Variants in CNGA1 observed in about 807,000 individuals in gnomAD.
The protein encoded by CNGA1 is cyclic nucleotide gated channel subunit alpha 1.
A neutral mutation model predicts 69.7 loss-of-function variants in CNGA1; 53 were observed. The ratio of observed to expected loss-of-function variants is 0.76; its 90% CI spans 0.61 to 0.96. The LOEUF (loss-of-function observed/expected upper bound fraction) is 0.96. Among genes scored for constraint, CNGA1 ranks in the 40% least tolerant of loss-of-function variants. CNGA1 has a pLI of 0.00. For missense variants in CNGA1, 739 were observed against 811.2 expected, an observed-to-expected ratio of 0.91 and a Z score of 1.08; for synonymous variants, 249 against 283.5, an observed-to-expected ratio of 0.88 and a Z score of 1.22.
intron 5 of CNGA1, among the ~76,000 whole-genome samples, chr4:47,950,402 A>C (rs73244450): frequency 0.056 from 8,512 of 152,292 alleles, 453 homozygotes; most frequent in East Asian, 0.31. Flanking sequence ...AGCCATGTGG[A>C]ACTGTGAGTC....
chr4:48,001,703 A>G (rs1235520921), intron 2 of CNGA1, among the ~76,000 whole-genome samples: 2 of 152,246 alleles, frequency 1.3e-5, no homozygotes, highest in Non-Finnish European at 2.9e-5. Flanking sequence ...TGACATTTCT[A>G]AAACACTACA....
At chr4:47,984,645 AAAAT>A (rs1741898370) in intron 2 of CNGA1, among the ~76,000 whole-genome samples, 1 of 57,512 alleles carries the variant, frequency 1.7e-5, no homozygotes, top group Non-Finnish European at 5.0e-5. Context: ...ACAAATAAAA[AAAAT>A]ATATATATAT....
At chr4:48,015,249 G>A (rs1577617650) in intron 1 of CNGA1, among the ~76,000 whole-genome samples, 2 of 152,284 alleles carry the variant, frequency 1.3e-5, no homozygotes, top group South Asian at 2.1e-4. Context: ...GGCTTGTTAT[G>A]GAAAATTGGC....
chr4:47,987,596 A>G (rs868676266), intron 2 of CNGA1, among the ~76,000 whole-genome samples: 4 of 152,180 alleles, frequency 2.6e-5, no homozygotes, highest in Admixed American at 6.5e-5. Flanking sequence ...TTGCAGAGTC[A>G]ATAGGTAACA....
rs752531208 is a variant in CNGA1, at chr4:47,942,140, T to C, written c.446A>G (p.Lys149Arg). The C allele has an allele frequency of 6.2e-7, 1 of 1,607,402 alleles. No individual in the cohort carries two copies. The highest frequency in any genetic ancestry group is 8.5e-7 in the Non-Finnish European group (1 of 1,173,908). ...CGAGGGATCAATAACCACAACTTCT[T>C]TCTTCTCCCTAGCGGCAATTAGAAA... ...KSKDKKEEEK[K>R]EVVVIDPSGN... Residue 149 changes from lysine (K) to arginine (R), a missense_variant, in exon 9 of 11, where the codon AAA becomes AGA. Coordinates refer to ENST00000514170, the MANE Select transcript of CNGA1 (RefSeq NM_001379270.1).
chr4:47,984,086 A>G lies in CNGA1; in HGVS notation c.-122-2586T>C, dbSNP rs559387186. The stretch of plus-strand genomic sequence containing the variant: ...TATGTCTAGGCCTATCTGACTTCAG[A>G]GCACCACACTACTTTTGACATCTGG... On this transcript the variant is annotated intron_variant, in intron 2 of 10. Transcript: ENST00000514170. Among the ~76,000 whole-genome samples the G allele has an allele frequency of 2.5e-4, 38 of 152,318 alleles. 2 individuals carry two copies. In the South Asian group the frequency reaches 7.9e-3, roughly 32 times the overall value.
intron 6 of CNGA1, among the ~76,000 whole-genome samples, chr4:47,946,217 C>T (rs1739390691): frequency 6.6e-6 from 1 of 151,836 alleles, no homozygotes; most frequent in African/African-American, 2.4e-5. Context: ...ATCATCAGAC[C>T]CCTGCAAAAA....
At chr4:47,983,598 C>G (rs1306714851) in intron 2 of CNGA1, among the ~76,000 whole-genome samples, 4 of 150,518 alleles carry the variant, frequency 2.7e-5, no homozygotes, top group African/African-American at 7.4e-5. Context: ...TCAAAAACAA[C>G]AACAACAAAA....
intron 10 of CNGA1, among the ~76,000 whole-genome samples, chr4:47,938,846 G>T (rs1187081916): frequency 6.6e-6 from 1 of 151,856 alleles, no homozygotes; most frequent in Non-Finnish European, 1.5e-5. Context: ...GAAGGCTGAG[G>T]CAGGAGGATC....
chr4:47,990,320 G>C (rs375232837), intron 2 of CNGA1, among the ~76,000 whole-genome samples: 2 of 152,028 alleles, frequency 1.3e-5, no homozygotes, highest in Non-Finnish European at 1.5e-5. Flanking sequence ...TGCATTCTTG[G>C]GGGGAGGTCT....
At chr4:47,943,457 A>C in intron 6 of CNGA1, 45 bp from the exon 7 acceptor site, 1 of 1,153,330 alleles carries the variant, frequency 8.7e-7, no homozygotes, top group South Asian at 1.6e-5. Context: ...ACAGTCTTCC[A>C]CTCTTATTTA....
intron 2 of CNGA1, among the ~76,000 whole-genome samples, chr4:47,991,032 CATG>C (rs1359788750): frequency 6.6e-6 from 1 of 151,916 alleles, no homozygotes; most frequent in African/African-American, 2.4e-5. Flanking sequence ...GTATATACAC[CATG>C]ATCTCTTTAT....
At position 47,937,133 on chromosome 4, in the gene CNGA1, A is replaced by G; in HGVS notation, c.1349T>C (p.Leu450Ser). Residue 450 changes from leucine (L) to serine (S), a missense_variant, in exon 11 of 11, where the codon TTA becomes TCA. Coordinates refer to ENST00000514170, the MANE Select transcript of CNGA1 (RefSeq NM_001379270.1). The stretch of plus-strand genomic sequence containing the variant: ...TCTTAGTTTATCAGGTAGATACTTT[A>G]AGACTTCTTTCTCATCAACTGTTTT... ...NKKTVDEKEV[L>S]KYLPDKLRAE... The G allele has an allele frequency of 1.2e-6, 2 of 1,614,182 alleles. No homozygotes were observed. Among genetic ancestry groups the G allele is most frequent in the Non-Finnish European group, 1.7e-6 (2 of 1,180,036 alleles).
chr4:47,951,043 G>A (rs763124652), intron 5 of CNGA1, among the ~76,000 whole-genome samples: 1 of 152,210 alleles, frequency 6.6e-6, no homozygotes, highest in Non-Finnish European at 1.5e-5. Context: ...GAACGCCATG[G>A]CCATAAATAA....
Position 47,963,811 on chromosome 4 carries a change from G to A in CNGA1, c.-14-11108C>T, listed in dbSNP as rs141532931. ...ATAGGACTCTTAAGTAAATTAAAATGAAAGAAAAATCATTTGATATAGAAA... is the reference window on the plus strand; with the variant it reads ...ATAGGACTCTTAAGTAAATTAAAATAAAAGAAAAATCATTTGATATAGAAA... On this transcript the variant is annotated intron_variant, in intron 3 of 10. Coordinates refer to ENST00000514170, the MANE Select transcript of CNGA1 (RefSeq NM_001379270.1). Among the ~76,000 whole-genome samples, 1,154 of 152,118 alleles carry A rather than the reference G, an allele frequency of 7.6e-3. 6 individuals carry two copies. Among genetic ancestry groups the A allele is most frequent in the Non-Finnish European group, 0.012 (836 of 67,966 alleles).
At chr4:47,946,148 T>G (rs1192467855) in intron 6 of CNGA1, among the ~76,000 whole-genome samples, 2 of 152,088 alleles carry the variant, frequency 1.3e-5, no homozygotes, top group African/African-American at 4.8e-5. Context: ...AGAAATGCCA[T>G]CCTTAAAGAC....
chr4:47,994,060 T>C (rs986484207), intron 2 of CNGA1, among the ~76,000 whole-genome samples: 3 of 152,172 alleles, frequency 2.0e-5, no homozygotes, highest in African/African-American at 7.2e-5. Context: ...AATTTCAATT[T>C]TCTTAAATTT....
chr4:48,013,896 T>A (rs1715269246), intron 1 of CNGA1, among the ~76,000 whole-genome samples: 1 of 152,042 alleles, frequency 6.6e-6, no homozygotes, highest in African/African-American at 2.4e-5. Context: ...ACCACAGACC[T>A]CCCTACAATG....
At chr4:47,963,967 T>C (rs375458127) in intron 3 of CNGA1, among the ~76,000 whole-genome samples, 8 of 152,170 alleles carry the variant, frequency 5.3e-5, no homozygotes, top group African/African-American at 1.9e-4. Context: ...AAACAATTAA[T>C]GAAAATAACT....
Sources: gnomAD v4.1 joint callset for allele counts (sites outside exome capture counted in the v4.1 genomes callset) on GRCh38, gnomAD v4.1.1 for gene constraint, MANE v1.5 for transcripts, NCBI Gene and HGNC (gene_info 2026-07-23, HGNC 2026-07-21) for gene names.